Variants in PDZRN4 observed in about 807,000 individuals in gnomAD.
PDZRN4 encodes the protein PDZ domain containing ring finger 4, also known as PDZ domain-containing RING finger protein 4.
In PDZRN4, 70 loss-of-function variants were observed where a neutral mutation model predicts 99.0. The ratio of observed to expected loss-of-function variants is 0.71; its 90% CI spans 0.58 to 0.86. The LOEUF (loss-of-function observed/expected upper bound fraction) is 0.86. PDZRN4 is among the 40% of genes least tolerant of loss of function. The pLI is 0.00. For missense variants in PDZRN4, 1,474 were observed against 1,331.2 expected (o/e 1.11, Z -1.67); for synonymous variants, 551 against 501.6 (o/e 1.10, Z -1.32).
intron 3 of PDZRN4, among the ~76,000 whole-genome samples, chr12:41,424,587 T>C (rs1425592970): frequency 6.6e-6 from 1 of 152,196 alleles, no homozygotes; most frequent in Non-Finnish European, 1.5e-5. Flanking sequence ...TTTAAATATA[T>C]TTGCTTAATA....
chr12:41,216,455 G>A (rs1950921558), intron 3 of PDZRN4, among the ~76,000 whole-genome samples: 1 of 151,906 alleles, frequency 6.6e-6, no homozygotes, highest in Admixed American at 6.6e-5. Context: ...GTTTCAAAGA[G>A]TTTGACTTGA....
At chr12:41,419,447 T>G (rs762343872) in intron 3 of PDZRN4, among the ~76,000 whole-genome samples, 2 of 152,136 alleles carry the variant, frequency 1.3e-5, no homozygotes, top group Admixed American at 6.5e-5. Flanking sequence ...CTAGCCAATC[T>G]TGGGAGAGAG....
At chr12:41,198,328 C>A (rs886751403) in intron 3 of PDZRN4, among the ~76,000 whole-genome samples, 1 of 151,986 alleles carries the variant, frequency 6.6e-6, no homozygotes, top group Admixed American at 6.6e-5. Flanking sequence ...TCTCCCAGCA[C>A]TCCCCTAACC....
chr12:41,359,816 A>G (rs1187172141), intron 3 of PDZRN4, among the ~76,000 whole-genome samples: 1 of 151,996 alleles, frequency 6.6e-6, no homozygotes, highest in Non-Finnish European at 1.5e-5. Context: ...ACGGACTTAT[A>G]CATGTACAAA....
intron 3 of PDZRN4, among the ~76,000 whole-genome samples, chr12:41,414,970 A>G (rs960084012): frequency 6.6e-6 from 1 of 152,180 alleles, no homozygotes; most frequent in Non-Finnish European, 1.5e-5. Flanking sequence ...GTGACTGAAA[A>G]TGAGCAGTAT....
intron 3 of PDZRN4, among the ~76,000 whole-genome samples, chr12:41,323,869 C>A (rs1204658276): frequency 6.6e-6 from 1 of 151,822 alleles, no homozygotes; most frequent in Non-Finnish European, 1.5e-5. Flanking sequence ...GACAGGTTAA[C>A]CTGAGTTAAT....
chr12:41,571,364 TCTCTCTCTCTCTCACACACACACA>T (rs1939472145), intron 9 of PDZRN4, among the ~76,000 whole-genome samples: 5 of 97,824 alleles, frequency 5.1e-5, no homozygotes, highest in African/African-American at 2.4e-4. Flanking sequence ...TCTCTCTCTC[TCTCTCTCTCTCTCACACACACACA>T]CACACACACA....
At chr12:41,249,610 C>G (rs776963149) in intron 3 of PDZRN4, among the ~76,000 whole-genome samples, 2 of 152,146 alleles carry the variant, frequency 1.3e-5, no homozygotes, top group Admixed American at 6.6e-5. Context: ...ATACACCATT[C>G]CCTTGCTATT....
chr12:41,470,357 T>C (rs1206872822), intron 3 of PDZRN4, among the ~76,000 whole-genome samples: 1 of 152,152 alleles, frequency 6.6e-6, no homozygotes, highest in African/African-American at 2.4e-5. Flanking sequence ...TTTTGTTTTG[T>C]TTTGTTTGGG....
Position 41,423,353 on chromosome 12 carries a change from T to G in PDZRN4, c.844-83103T>G, listed in dbSNP as rs553351274. On this transcript the variant is annotated intron_variant, in intron 3 of 9. Coordinates refer to ENST00000402685, the MANE Select transcript of PDZRN4 (RefSeq NM_001164595.2). ...ATGTTCCCCTCCCTGTGTCCATGTATTCTCATTGTTTAACTCCCACTGATA... is the reference window on the plus strand; with the variant it reads ...ATGTTCCCCTCCCTGTGTCCATGTAGTCTCATTGTTTAACTCCCACTGATA... Among the ~76,000 whole-genome samples the G allele has an allele frequency of 5.3e-4, 80 of 152,168 alleles. 1 individual carries two copies. Among genetic ancestry groups the G allele is most frequent in the African/African-American group, 1.4e-3 (58 of 41,520 alleles).
At chr12:41,333,072 A>G (rs1951750611) in intron 3 of PDZRN4, among the ~76,000 whole-genome samples, 1 of 152,138 alleles carries the variant, frequency 6.6e-6, no homozygotes, top group African/African-American at 2.4e-5. Context: ...CAAACCTGGC[A>G]GCCTGACCTC....
At chr12:41,284,662 A>G (rs1269578360) in intron 3 of PDZRN4, among the ~76,000 whole-genome samples, 3 of 152,228 alleles carry the variant, frequency 2.0e-5, no homozygotes. Flanking sequence ...AAACAGATAT[A>G]TAGACCAATG....
At chr12:41,381,816 A>T (rs1386182941) in intron 3 of PDZRN4, among the ~76,000 whole-genome samples, 1 of 152,246 alleles carries the variant, frequency 6.6e-6, no homozygotes, top group South Asian at 2.1e-4. Context: ...TGGTATGCGT[A>T]CATTTGAGGA....
At chr12:41,407,152 T>C (rs1458107355) in intron 3 of PDZRN4, among the ~76,000 whole-genome samples, 2 of 152,174 alleles carry the variant, frequency 1.3e-5, no homozygotes, top group African/African-American at 2.4e-5. Flanking sequence ...TTATTAATAG[T>C]ACAAGGTTCA....
At chr12:41,250,458 T>C (rs1333983215) in intron 3 of PDZRN4, among the ~76,000 whole-genome samples, 1 of 152,218 alleles carries the variant, frequency 6.6e-6, no homozygotes, top group African/African-American at 2.4e-5. Context: ...ATATAAACTA[T>C]ATTTCTCAAA....
chr12:41,437,394 A>C (rs1030890907), intron 3 of PDZRN4, among the ~76,000 whole-genome samples: 10 of 152,120 alleles, frequency 6.6e-5, no homozygotes, highest in African/African-American at 2.4e-4. Flanking sequence ...CTGTTTCTGA[A>C]TTTCTTATTC....
intron 3 of PDZRN4, among the ~76,000 whole-genome samples, chr12:41,300,697 A>G (rs971976707): frequency 2.0e-5 from 3 of 151,980 alleles, no homozygotes; most frequent in Admixed American, 6.6e-5. Context: ...TATTTGTCAA[A>G]TATCCCTAGG....
Position 41,506,703 on chromosome 12 carries a change from T to A in PDZRN4, c.1091T>A (p.Leu364His). The change falls in exon 4 of 10, where the codon CTC (leucine) becomes CAC (histidine). Residue 364 changes from leucine to histidine, a missense_variant. Transcript: ENST00000402685. ...PPVPDICPFL[L>H]SDSCHSLHPM... ...GTGCCAGACATCTGTCCATTCCTGC[T>A]CTCAGACAGGTATTTTTCTATCATT... is the stretch of plus-strand genomic sequence containing the variant. The A allele has an allele frequency of 1.2e-6, 2 of 1,606,954 alleles. No homozygotes were observed. Among genetic ancestry groups the A allele is most frequent in the Non-Finnish European group, 1.7e-6 (2 of 1,176,136 alleles).
At chr12:41,200,521 G>C (rs574234689) in intron 3 of PDZRN4, among the ~76,000 whole-genome samples, 34 of 152,194 alleles carry the variant, frequency 2.2e-4, no homozygotes, top group Non-Finnish European at 3.7e-4. Context: ...CTAAACTCCT[G>C]AGAAGGGAAA....
Sources: gnomAD v4.1 joint callset for allele counts (sites outside exome capture counted in the v4.1 genomes callset) on GRCh38, gnomAD v4.1.1 for gene constraint, MANE v1.5 for transcripts, NCBI Gene and HGNC (gene_info 2026-07-23, HGNC 2026-07-21) for gene names.